SUGCT: variants seen among roughly 807,000 people sequenced by gnomAD.
The protein encoded by SUGCT is succinyl-CoA:glutarate-CoA transferase.
A neutral mutation model predicts 55.0 loss-of-function variants in SUGCT; 41 were observed. That is an observed-to-expected ratio of 0.74 (90% CI 0.58 to 0.97). The LOEUF is 0.97. SUGCT is among the 50% of genes least tolerant of loss of function. SUGCT has a pLI of 0.00. For missense variants in SUGCT, 568 were observed against 547.8 expected (o/e 1.04, Z -0.37); for synonymous variants, 187 against 200.4 (o/e 0.93, Z 0.56).
At chr7:40,866,980 G>T in the SUGCT span, among the ~76,000 whole-genome samples, 1 of 151,472 alleles carries the variant, frequency 6.6e-6, no homozygotes, top group South Asian at 2.1e-4. Flanking sequence ...TTATTAGCTC[G>T]GCAAAAAAAG....
intron 9 of SUGCT, among the ~76,000 whole-genome samples, chr7:40,377,523 G>A (rs1323934392): frequency 6.6e-6 from 1 of 151,880 alleles, no homozygotes; most frequent in African/African-American, 2.4e-5. Flanking sequence ...AATTACAGAC[G>A]TGAGCTACCA....
chr7:40,785,035 G>C (rs1789945073), intron 13 of SUGCT: 1 of 152,150 alleles, frequency 6.6e-6, no homozygotes, highest in South Asian at 2.1e-4. Context: ...GGTCAAAACT[G>C]TCACAGCCTC....
At chr7:40,797,286 C>CA (rs1441675594) in intron 13 of SUGCT, among the ~76,000 whole-genome samples, 1 of 152,144 alleles carries the variant, frequency 6.6e-6, no homozygotes, top group Non-Finnish European at 1.5e-5. Context: ...TATTTTCTCA[C>CA]AAAAACTGCA....
At chr7:40,775,311 T>A (rs1789395640) in intron 13 of SUGCT, among the ~76,000 whole-genome samples, 1 of 152,224 alleles carries the variant, frequency 6.6e-6, no homozygotes, top group Non-Finnish European at 1.5e-5. Flanking sequence ...CAAGTAAATA[T>A]ATTTTCCTTC....
At chr7:40,522,538 T>A (rs544157712) in intron 12 of SUGCT, among the ~76,000 whole-genome samples, 16 of 152,242 alleles carry the variant, frequency 1.1e-4, no homozygotes, top group Non-Finnish European at 1.9e-4. Flanking sequence ...AGAGAAACGA[T>A]GTGTTTTCTG....
chr7:40,704,813 G>A (rs891805985), intron 12 of SUGCT, among the ~76,000 whole-genome samples: 1 of 152,196 alleles, frequency 6.6e-6, no homozygotes, highest in African/African-American at 2.4e-5. Context: ...ACAATTCATT[G>A]AAGAAGGTAC....
At chr7:40,240,275 G>A (rs1789291893) in intron 7 of SUGCT, among the ~76,000 whole-genome samples, 3 of 152,094 alleles carry the variant, frequency 2.0e-5, no homozygotes, top group Admixed American at 1.3e-4. Flanking sequence ...CCTGAGTTCG[G>A]GAGTTCGAGA....
the SUGCT span, among the ~76,000 whole-genome samples, chr7:40,991,132 G>A: frequency 2.0e-5 from 3 of 152,286 alleles, no homozygotes; most frequent in East Asian, 5.8e-4. Context: ...AGAAAGAGAT[G>A]TGCAACTCTT....
At chr7:40,581,574 G>T (rs1797093808) in intron 12 of SUGCT, among the ~76,000 whole-genome samples, 1 of 152,110 alleles carries the variant, frequency 6.6e-6, no homozygotes, top group African/African-American at 2.4e-5. Flanking sequence ...ATTGTGGAGG[G>T]TTACTTTATT....
chr7:40,377,128 CTCTTTCTTTCTTTCTTTCTTTCTTTCTT>C lies in SUGCT; in HGVS notation c.816+60319_816+60346del, dbSNP rs530455909. On this transcript the variant is annotated intron_variant, in intron 9 of 13. Coordinates refer to ENST00000335693, the MANE Select transcript of SUGCT (RefSeq NM_001193313.2). Reference sequence around the variant, plus strand: ...CTTGGAAAGGAAATTTTCAGCCTTCCTCTTTCTTTCTTTCTTTCTTTCTTTCTTTCTTTCTTTCTTTCTTTCTTTCTTT... The same window carrying C: ...CTTGGAAAGGAAATTTTCAGCCTTCCTCTTTCTTTCTTTCTTTCTTTCTTT... Among the ~76,000 whole-genome samples, 5 of 6,318 alleles carry C rather than the reference CTCTTTCTTTCTTTCTTTCTTTCTTTCTT, an allele frequency of 7.9e-4. 2 individuals carry two copies. The highest frequency in any genetic ancestry group is 1.3e-3 in the African/African-American group (5 of 3,874). The allele number at this position is 6,318 out of a possible 152,430, so 4.1% of individuals were successfully genotyped here.
chr7:40,415,815 C>T (rs1786969891), intron 9 of SUGCT, among the ~76,000 whole-genome samples: 1 of 152,042 alleles, frequency 6.6e-6, no homozygotes, highest in South Asian at 2.1e-4. Context: ...GGACCTACTA[C>T]TGGACGCTAT....
At chr7:40,253,487 C>T (rs1385002355) in intron 7 of SUGCT, among the ~76,000 whole-genome samples, 2 of 152,364 alleles carry the variant, frequency 1.3e-5, no homozygotes, top group East Asian at 1.9e-4. Context: ...ACTGGCTGTA[C>T]TGTACCCCCC....
intron 11 of SUGCT, among the ~76,000 whole-genome samples, chr7:40,485,229 C>T (rs1036423163): frequency 6.6e-6 from 1 of 151,908 alleles, no homozygotes; most frequent in Admixed American, 6.6e-5. Context: ...TTGTAGCACA[C>T]TTCCTGTGTT....
At chr7:40,549,366 A>G (rs1795179917) in intron 12 of SUGCT, among the ~76,000 whole-genome samples, 1 of 152,254 alleles carries the variant, frequency 6.6e-6, no homozygotes, top group African/African-American at 2.4e-5. Context: ...AGGAATAAAC[A>G]ATAAATCCTG....
At chr7:40,551,021 C>A (rs1403351248) in intron 12 of SUGCT, among the ~76,000 whole-genome samples, 1 of 152,186 alleles carries the variant, frequency 6.6e-6, no homozygotes, top group African/African-American at 2.4e-5. Flanking sequence ...CCCTGCCTTC[C>A]CTCAGGCAGC....
chr7:40,286,693 A>T (rs1439370930), intron 8 of SUGCT, among the ~76,000 whole-genome samples: 1 of 152,166 alleles, frequency 6.6e-6, no homozygotes, highest in Non-Finnish European at 1.5e-5. Flanking sequence ...AGCAGTTGTG[A>T]TTGGTACTAA....
chr7:40,747,858 C>A (rs1191747476), intron 12 of SUGCT, among the ~76,000 whole-genome samples: 1 of 152,056 alleles, frequency 6.6e-6, no homozygotes, highest in Non-Finnish European at 1.5e-5. Flanking sequence ...AATAATTCAA[C>A]ACTTATGTAT....
At chr7:40,855,550 A>G (rs1794129280) in intron 13 of SUGCT, among the ~76,000 whole-genome samples, 1 of 151,234 alleles carries the variant, frequency 6.6e-6, no homozygotes, top group African/African-American at 2.4e-5. Flanking sequence ...GTTTTGAGTT[A>G]TCTTCATTGT....
At chr7:40,683,726 C>T (rs184025915) in intron 12 of SUGCT, among the ~76,000 whole-genome samples, 1 of 152,184 alleles carries the variant, frequency 6.6e-6, no homozygotes, top group Non-Finnish European at 1.5e-5. Context: ...TATTAAGTGT[C>T]AACATTCACT....
Sources: allele counts gnomAD v4.1 joint callset (sites outside exome capture counted in the v4.1 genomes callset), GRCh38; gene constraint gnomAD v4.1.1; transcripts MANE v1.5; gene names NCBI Gene and HGNC (gene_info 2026-07-23, HGNC 2026-07-21).